The following ERBIN variants were observed in gnomAD, a reference collection of about 807,000 sequenced individuals.
ERBIN encodes densin-180-like protein.
A neutral mutation model predicts 158.4 loss-of-function variants in ERBIN; 60 were observed. The ratio of observed to expected loss-of-function variants is 0.38; its 90% CI spans 0.31 to 0.47. The LOEUF is 0.47. ERBIN is among the 20% of genes least tolerant of loss of function. The pLI is 0.99. For missense variants in ERBIN, 1,610 were observed against 1,648.0 expected (o/e 0.98, Z 0.40); for synonymous variants, 594 against 557.2 (o/e 1.07, Z -0.93).
chr5:66,076,803 A>G, intron 24 of ERBIN, 72 bp from the exon 25 acceptor site: 1 of 1,100,296 alleles, frequency 9.1e-7, no homozygotes, highest in Admixed American at 2.0e-5. Context: ...GGTGTGGAGG[A>G]AAAATTGCTC....
At chr5:66,025,746 A>T (rs766417030) in intron 11 of ERBIN, 102 bp from the exon 12 acceptor site, 4 of 968,182 alleles carry the variant, frequency 4.1e-6, no homozygotes, top group Non-Finnish European at 5.9e-6. Flanking sequence ...TGGTTTCACT[A>T]GGTTTTCAAA....
intron 2 of ERBIN, among the ~76,000 whole-genome samples, chr5:65,991,156 A>G (rs1208510112): frequency 6.6e-6 from 1 of 152,248 alleles, no homozygotes; most frequent in Non-Finnish European, 1.5e-5. Context: ...AATTAGAAGC[A>G]GTGCCTTGCA....
intron 1 of ERBIN, among the ~76,000 whole-genome samples, chr5:65,934,656 T>C (rs111820734): frequency 5.3e-5 from 8 of 152,314 alleles, no homozygotes; most frequent in South Asian, 2.1e-4. Flanking sequence ...GTATTCACTT[T>C]ATGTGATTAA....
At chr5:65,939,757 C>T (rs1477145130) in intron 1 of ERBIN, among the ~76,000 whole-genome samples, 7 of 152,290 alleles carry the variant, frequency 4.6e-5, no homozygotes, top group African/African-American at 1.2e-4. Context: ...CTGTGTTGGC[C>T]GGGCTGGTCT....
chr5:66,048,228 T>TAG (rs1341862463), intron 18 of ERBIN, among the ~76,000 whole-genome samples: 4 of 151,772 alleles, frequency 2.6e-5, no homozygotes, highest in African/African-American at 9.7e-5. Flanking sequence ...ATAAGATCAG[T>TAG]AGAGTAGACA....
In ERBIN at chr5:66,018,565, T is replaced by TA. The variant is rs1254133084; in HGVS notation, c.534-2756dup. On this transcript the variant is annotated intron_variant, in intron 7 of 25. Transcript: ENST00000284037. The stretch of plus-strand genomic sequence containing the variant: ...TATATATTATATATTATATAATATA[T>TA]ATTATATTATATAATATATATTATA... Among the ~76,000 whole-genome samples, 133 of 14,300 alleles carry TA rather than the reference T, an allele frequency of 9.3e-3. 32 individuals are homozygous for TA. The highest frequency in any genetic ancestry group is 0.019 in the Middle Eastern group (1 of 52). The allele number at this position is 14,300 out of a possible 152,430, so 9.4% of individuals were successfully genotyped here. A position where few individuals can be genotyped will look rare whatever the true frequency, so the allele number is the denominator to read the frequency against.
At position 66,025,991 on chromosome 5, in the gene ERBIN, G is replaced by A. The variant is rs765274874; in HGVS notation, c.1020+14G>A. The A allele has an allele frequency of 5.1e-6, 8 of 1,562,208 alleles. No individual in the cohort carries two copies. Among genetic ancestry groups the A allele is most frequent in the Non-Finnish European group, 6.9e-6 (8 of 1,161,536 alleles). On this transcript the variant is annotated intron_variant, in intron 12 of 25. Coordinates refer to ENST00000284037, the MANE Select transcript of ERBIN (RefSeq NM_001253697.2). ...TTGCCCCCAGAGGTAATGTATTTTAGATTTGTTTAGATTTTTGTCTTTTCA... is the reference window on the plus strand; with the variant it reads ...TTGCCCCCAGAGGTAATGTATTTTAAATTTGTTTAGATTTTTGTCTTTTCA...
chr5:65,936,142 A>G (rs1744055876), intron 1 of ERBIN, among the ~76,000 whole-genome samples: 1 of 148,532 alleles, frequency 6.7e-6, no homozygotes, highest in African/African-American at 2.5e-5. Context: ...TTGTGGGAGC[A>G]TGGAGGGAGG....
chr5:65,999,064 T>C (rs930181376), intron 4 of ERBIN, among the ~76,000 whole-genome samples: 4 of 152,032 alleles, frequency 2.6e-5, no homozygotes, highest in Admixed American at 2.0e-4. Context: ...ATGCATATCA[T>C]TGCTTATATA....
intron 21 of ERBIN, among the ~76,000 whole-genome samples, chr5:66,062,033 C>T (rs918421471): frequency 1.4e-4 from 21 of 152,156 alleles, no homozygotes; most frequent in Non-Finnish European, 2.4e-4. Context: ...TGGAGTTGCT[C>T]TTCTCGAGGA....
rs189086298 is a variant in ERBIN, at chr5:65,990,032, A to G, written c.-10+1350A>G. ...TATTCTTACTGATAAAATATGCCTTAATATAAACAAAGATTGTTACTAAGT... is the reference window on the plus strand; with the variant it reads ...TATTCTTACTGATAAAATATGCCTTGATATAAACAAAGATTGTTACTAAGT... On this transcript the variant is annotated intron_variant, in intron 2 of 25. Coordinates refer to ENST00000284037, the MANE Select transcript of ERBIN (RefSeq NM_001253697.2). Among the ~76,000 whole-genome samples, 5 of 152,352 alleles carry G rather than the reference A, an allele frequency of 3.3e-5. No homozygotes were observed. The East Asian group carries it at 9.6e-4, about 29-fold the overall frequency.
chr5:66,033,444 G>GGAT (rs1326832452), intron 14 of ERBIN, among the ~76,000 whole-genome samples: 1 of 152,164 alleles, frequency 6.6e-6, no homozygotes, highest in Non-Finnish European at 1.5e-5. Flanking sequence ...AAGGAGAACT[G>GGAT]GATGATGATG....
At chr5:65,956,243 C>T (rs955623028) in intron 1 of ERBIN, among the ~76,000 whole-genome samples, 3 of 151,816 alleles carry the variant, frequency 2.0e-5, no homozygotes, top group African/African-American at 7.3e-5. Flanking sequence ...GAAGGCCCTT[C>T]GGGGTGTGGG....
chr5:65,982,252 C>T (rs1580244999), intron 1 of ERBIN, among the ~76,000 whole-genome samples: 1 of 152,248 alleles, frequency 6.6e-6, no homozygotes, highest in Non-Finnish European at 1.5e-5. Context: ...AATTGGAAAA[C>T]CTGATCTTAT....
chr5:65,929,637 C>CTTTT (rs762687200), intron 1 of ERBIN, among the ~76,000 whole-genome samples: 7 of 121,662 alleles, frequency 5.8e-5, no homozygotes, highest in Admixed American at 8.2e-5. Flanking sequence ...GTCTTTTCCT[C>CTTTT]TTTTTTTTTT....
intron 1 of ERBIN, among the ~76,000 whole-genome samples, chr5:65,929,695 C>T (rs1263647741): frequency 7.0e-6 from 1 of 143,884 alleles, no homozygotes; most frequent in Non-Finnish European, 1.5e-5. Flanking sequence ...GGCTGGAGTG[C>T]AGTGGCACAA....
chr5:65,977,227 C>T (rs1221258455), intron 1 of ERBIN, among the ~76,000 whole-genome samples: 2 of 142,450 alleles, frequency 1.4e-5, no homozygotes, highest in Non-Finnish European at 3.0e-5. Flanking sequence ...CCGGATGGGG[C>T]GGCTGGCCGG....
intron 25 of ERBIN, 68 bp from the exon 26 acceptor site, chr5:66,078,355 A>G: frequency 2.1e-6 from 2 of 965,740 alleles, no homozygotes; most frequent in South Asian, 3.0e-5. Flanking sequence ...AAGTTTGTGA[A>G]CTACTTGGCA....
chr5:65,966,951 A>C (rs1748707985), intron 1 of ERBIN, among the ~76,000 whole-genome samples: 1 of 152,064 alleles, frequency 6.6e-6, no homozygotes. Context: ...AATTTCTTTT[A>C]AATAGGAAGA....
Sources: gnomAD v4.1 joint callset for allele counts (sites outside exome capture counted in the v4.1 genomes callset) on GRCh38, gnomAD v4.1.1 for gene constraint, MANE v1.5 for transcripts, NCBI Gene and HGNC (gene_info 2026-07-23, HGNC 2026-07-21) for gene names.